TNRC6A: variants seen among roughly 807,000 people sequenced by gnomAD.
TNRC6A encodes trinucleotide repeat containing adaptor 6A.
Under a neutral mutation model 221.2 loss-of-function variants are expected in TNRC6A, and 44 were observed. The ratio of observed to expected loss-of-function variants is 0.20; its 90% confidence interval spans 0.16 to 0.26. The LOEUF (loss-of-function observed/expected upper bound fraction) is 0.26. TNRC6A is among the 10% of genes least tolerant of loss of function. The probability of loss-of-function intolerance (pLI) is 1.00; values close to 1 mark genes in which losing one functional copy is unlikely to be tolerated. For missense variants in TNRC6A, 2,199 were observed against 2,404.4 expected, an observed-to-expected ratio of 0.91 and a Z score of 1.79; for synonymous variants, 847 against 838.5, an observed-to-expected ratio of 1.01 and a Z score of -0.18.
intron 2 of TNRC6A, among the ~76,000 whole-genome samples, chr16:24,675,963 A>G (rs745532479): frequency 2.0e-5 from 3 of 151,316 alleles, no homozygotes; most frequent in Non-Finnish European, 4.4e-5. Context: ...GTCCCAAGCA[A>G]TCCTGCTTAT....
intron 2 of TNRC6A, chr16:24,661,540 A>C (rs2141918088): frequency 6.6e-6 from 1 of 152,436 alleles, no homozygotes. Flanking sequence ...CAGCCTCCCG[A>C]GTAGCTGGAA....
rs143863546 is a variant in TNRC6A, at chr16:24,660,269, C to T, written n.402+19260C>T. On this transcript the variant is annotated intron_variant and non_coding_transcript_variant, in intron 2 of 2. Transcript: ENST00000566108. Reference sequence around the variant, plus strand: ...CCTGAGTCCCCAAAGTCCCTTGTGTCATTCTTATGCCTTTGCATCCTCATA... The same window carrying T: ...CCTGAGTCCCCAAAGTCCCTTGTGTTATTCTTATGCCTTTGCATCCTCATA... 2.4e-3 allele frequency among the ~76,000 whole-genome samples: 367 copies of T among 152,170 alleles called. 3 individuals are homozygous for T. Among genetic ancestry groups the T allele is most frequent in the African/African-American group, 8.5e-3 (352 of 41,516 alleles).
rs554592017 is a variant in TNRC6A, at chr16:24,621,166, TTC to T, written n.276+10684_276+10685del. On this transcript the variant is annotated intron_variant and non_coding_transcript_variant, in intron 1 of 2. Coordinates refer to the TNRC6A transcript ENST00000566108. ...AATAGTATTCAAGTTGTTTAGCAGTTTCTGTTTCTATAAAAATAATTTTAAAA... is the reference window on the plus strand; with the variant it reads ...AATAGTATTCAAGTTGTTTAGCAGTTTGTTTCTATAAAAATAATTTTAAAA... 1.7e-3 allele frequency among the ~76,000 whole-genome samples: 257 copies of T among 151,440 alleles called. 1 individual carries two copies. Among genetic ancestry groups the T allele is most frequent in the Middle Eastern group, 7.0e-3 (2 of 286 alleles).
At chr16:24,700,267 ACT>A (rs2055945010) in intron 2 of TNRC6A, among the ~76,000 whole-genome samples, 1 of 151,084 alleles carries the variant, frequency 6.6e-6, no homozygotes, top group East Asian at 2.0e-4. Context: ...ACAGAGTCTC[ACT>A]CTGTTGCCCA....
intron 19 of TNRC6A, chr16:24,816,430 CAGG>C (rs1215247746): frequency 6.1e-6 from 1 of 163,168 alleles, no homozygotes; most frequent in Non-Finnish European, 1.3e-5. Flanking sequence ...CACTTGAGTC[CAGG>C]AGTTCAAAGC....
rs1349998586 is a variant in TNRC6A, at chr16:24,823,731, G to A, written c.5813G>A (p.Arg1938Gln). 11 of 1,538,048 alleles carry A rather than the reference G, an allele frequency of 7.2e-6. No individual in the cohort carries two copies. Among genetic ancestry groups the A allele is most frequent in the South Asian group, 2.5e-5 (2 of 78,964 alleles). The change falls in exon 25 of 25, where the codon CGA becomes CAA. Residue 1938 changes from arginine to glutamine, a missense_variant. Transcript: ENST00000395799. This position sits in a 1 kb window ranked among gnomAD's most constrained non-coding sequence, Gnocchi z 4.3. ...GGTCCCCCAAGCAGCAGCGACCCCC[G>A]AGGAATTAGCAGCCCATCTCCCATT... ...LWGPPSSSDP[R>Q]GISSPSPINA...
chr16:24,667,757 T>G (rs2055202608), intron 2 of TNRC6A, among the ~76,000 whole-genome samples: 1 of 152,204 alleles, frequency 6.6e-6, no homozygotes. Flanking sequence ...TATTTCAGTA[T>G]GTTGGGCATG....
intron 23 of TNRC6A, among the ~76,000 whole-genome samples, chr16:24,822,401 G>C (rs2058783610): frequency 6.6e-6 from 1 of 152,200 alleles, no homozygotes; most frequent in South Asian, 2.1e-4. Flanking sequence ...TCTGGGCTAG[G>C]GGCTGGGACT....
At chr16:24,698,935 C>T (rs889247510) in intron 2 of TNRC6A, among the ~76,000 whole-genome samples, 2 of 152,130 alleles carry the variant, frequency 1.3e-5, no homozygotes, top group Admixed American at 1.3e-4. Flanking sequence ...GTCTCGAACT[C>T]CCAACCTCAG....
chr16:24,804,213 A>G lies in TNRC6A; in HGVS notation c.3731A>G (p.His1244Arg), dbSNP rs146427035. The G allele has an allele frequency of 5.6e-3, 8,973 of 1,612,704 alleles. 37 individuals are homozygous for G. Among genetic ancestry groups the G allele is most frequent in the Non-Finnish European group, 7.2e-3 (8,439 of 1,179,728 alleles). ...GACAAACGAATGGAGATAGATAAAC[A>G]TAGCCTAAATATTGGTGATTACAAT... ...LQDKRMEIDK[H>R]SLNIGDYNRT... Residue 1244 changes from histidine (H) to arginine (R), a missense_variant, in exon 12 of 25, where the codon CAT becomes CGT. This residue lies in a region of TNRC6A where 158 missense variants were observed against 159.1 expected (regional missense o/e 0.99). Coordinates refer to ENST00000395799, the MANE Select transcript of TNRC6A (RefSeq NM_014494.4).
rs560650213 is a variant in TNRC6A at position 24,763,158 on chromosome 16, C to T, written c.163+4798C>T. Among the ~76,000 whole-genome samples the T allele has an allele frequency of 5.3e-5, 8 of 152,256 alleles. 1 individual carries two copies. The highest frequency in any genetic ancestry group is 5.2e-4 in the Admixed American group (8 of 15,294). The stretch of plus-strand genomic sequence containing the variant: ...AGCTGATTCTAAAATCTCCTGCATG[C>T]TTTGATCTCTATGCAGTAAACACTG... On this transcript the variant is annotated intron_variant, in intron 4 of 24. Coordinates refer to ENST00000395799, the MANE Select transcript of TNRC6A (RefSeq NM_014494.4).
intron 2 of TNRC6A, among the ~76,000 whole-genome samples, chr16:24,706,787 T>C (rs1475848314): frequency 2.6e-5 from 4 of 151,442 alleles, no homozygotes; most frequent in East Asian, 3.9e-4. Context: ...CCAAATACAT[T>C]TGAGAAGCTA....
chr16:24,789,834 A>G lies in TNRC6A; in HGVS notation c.1192A>G (p.Ile398Val), dbSNP rs764455500. 1 of 1,614,224 alleles carries G rather than the reference A, an allele frequency of 6.2e-7. No individual in the cohort carries two copies. Among genetic ancestry groups the G allele is most frequent in the Non-Finnish European group, 8.5e-7 (1 of 1,180,040 alleles). ...SSGINIQCST[I>V]GQMPNNQSIN... ...TGGCATTAATATTCAGTGCAGTACT[A>G]TAGGCCAGATGCCTAACAATCAGAG... Residue 398 changes from isoleucine to valine, a missense_variant, in exon 6 of 25, where the codon ATA becomes GTA. This residue lies in a region of TNRC6A where 1,405 missense variants were observed against 1,400.2 expected (regional missense o/e 1.00). Coordinates refer to ENST00000395799, the MANE Select transcript of TNRC6A (RefSeq NM_014494.4).
intron 2 of TNRC6A, among the ~76,000 whole-genome samples, chr16:24,704,268 A>G (rs1191261600): frequency 1.3e-5 from 2 of 151,692 alleles, no homozygotes; most frequent in Non-Finnish European, 2.9e-5. Flanking sequence ...TAATTTTTGT[A>G]TTTGGTAGAG....
chr16:24,693,312 C>T (rs931431878), intron 2 of TNRC6A, among the ~76,000 whole-genome samples: 6 of 152,048 alleles, frequency 3.9e-5, no homozygotes, highest in South Asian at 4.2e-4. Context: ...TTAGGCCAGA[C>T]GCAGTAGCTC....
At chr16:24,801,147 T>C (rs1250949762) in intron 11 of TNRC6A, among the ~76,000 whole-genome samples, 1 of 152,102 alleles carries the variant, frequency 6.6e-6, no homozygotes, top group African/African-American at 2.4e-5. Context: ...TCAGAATAGA[T>C]GGGGCTGGTG....
intron 4 of TNRC6A, among the ~76,000 whole-genome samples, chr16:24,768,432 C>CA (rs35193077): frequency 0.35 from 31,433 of 88,880 alleles, 5,457 homozygotes; most frequent in East Asian, 0.49. Context: ...GACTCTGTCT[C>CA]AAAAAAAAAA....
In TNRC6A at chr16:24,664,102, C is replaced by T. The variant is rs1050418742; in HGVS notation, n.402+23093C>T. 6.7e-5 allele frequency: 23 copies of T among 342,922 alleles called. No homozygotes were observed. The East Asian group carries it at 1.1e-3, about 17-fold the overall frequency. 21.2% of individuals were successfully genotyped at this position (342,922 alleles called of 1,614,324 possible). A position where few individuals can be genotyped will look rare whatever the true frequency, so the allele number is the denominator to read the frequency against. On this transcript the variant is annotated intron_variant and non_coding_transcript_variant, in intron 2 of 2. Coordinates refer to the TNRC6A transcript ENST00000566108. ...GCACTTTGGGAGGTGGAAGCAGAGG[C>T]GGGTGGATCACCTGAGATCAGGAGT... is the stretch of plus-strand genomic sequence containing the variant.
At chr16:24,652,467 C>G (rs1902726925) in intron 2 of TNRC6A, among the ~76,000 whole-genome samples, 1 of 152,126 alleles carries the variant, frequency 6.6e-6, no homozygotes, top group Non-Finnish European at 1.5e-5. Context: ...AGTGTTTTGG[C>G]TAATATCCAG....
Sources: gnomAD v4.1 joint callset for allele counts (sites outside exome capture counted in the v4.1 genomes callset) on GRCh38, gnomAD v4.1.1 for gene constraint, gnomAD v4.1.1 regional missense constraint, Gnocchi (gnomAD v3.1) non-coding constraint, MANE v1.5 for transcripts, NCBI Gene and HGNC (gene_info 2026-07-23, HGNC 2026-07-21) for gene names.